USP54: variants seen among roughly 807,000 people sequenced by gnomAD.
USP54 encodes the protein ubiquitin carboxyl-terminal hydrolase 54.
In USP54, 87 loss-of-function variants were observed where a neutral mutation model predicts 170.5. The observed-to-expected ratio is 0.51, with a 90% CI of 0.43 to 0.61. The LOEUF (loss-of-function observed/expected upper bound fraction) is 0.61, where lower values mean the gene tolerates loss of function less well. Among genes scored for constraint, USP54 ranks in the 20% least tolerant of loss-of-function variants. The pLI, the probability that USP54 is intolerant of heterozygous loss-of-function variation, is 0.00. For missense variants in USP54, 1,786 were observed against 2,047.8 expected, an observed-to-expected ratio of 0.87 and a Z score of 2.47; for synonymous variants, 655 against 742.8, an observed-to-expected ratio of 0.88 and a Z score of 1.92.
chr10:73,498,895 G>A lies in USP54; in HGVS notation c.4789C>T (p.Pro1597Ser), dbSNP rs965536852. ...WSDLFHSPSH[P>S]PIVHPVYPPS... ...GGGTACACAGGATGAACAATGGGAG[G>A]GTGGGAGGGTGAATGGAAAAGATCA... The change falls in exon 24 of 24, where the codon CCT becomes TCT. Residue 1597 changes from proline to serine, a missense_variant. Physicochemically the swap from Pro to Ser is moderately conservative, Grantham distance 74. This residue lies in a region of USP54 where 1,418 missense variants were observed against 1,569.0 expected (regional missense o/e 0.90). Coordinates refer to ENST00000687698, the MANE Select transcript of USP54 (RefSeq NM_001391956.1). 1 of 1,613,416 alleles carries A rather than the reference G, an allele frequency of 6.2e-7. No individual in the cohort carries two copies. Among genetic ancestry groups the A allele is most frequent in the African/African-American group, 1.3e-5 (1 of 74,860 alleles).
intron 3 of USP54, among the ~76,000 whole-genome samples, chr10:73,573,696 C>A (rs996975096): frequency 6.6e-6 from 1 of 152,100 alleles, no homozygotes; most frequent in Non-Finnish European, 1.5e-5. Context: ...ACCCAAGAGG[C>A]GGAGGTGGCA....
At chr10:73,541,135 T>C (rs1033151062) in intron 9 of USP54, among the ~76,000 whole-genome samples, 4 of 152,206 alleles carry the variant, frequency 2.6e-5, no homozygotes, top group Admixed American at 6.5e-5. Flanking sequence ...AAGCTCTGCC[T>C]ATCCTGTCTT....
chr10:73,554,939 C>G (rs556072661), intron 4 of USP54, among the ~76,000 whole-genome samples: 13 of 152,218 alleles, frequency 8.5e-5, no homozygotes, highest in African/African-American at 2.9e-4. Flanking sequence ...AAGACCTTGT[C>G]TCTACAAAAA....
chr10:73,546,051 T>C (rs1466503565), intron 4 of USP54, among the ~76,000 whole-genome samples: 2 of 152,216 alleles, frequency 1.3e-5, no homozygotes, highest in Admixed American at 6.5e-5. Context: ...TGGGGGTTCA[T>C]CCTATGAATC....
At position 73,570,577 on chromosome 10, in the gene USP54, G is replaced by T. The variant is rs138429551; in HGVS notation, c.240+844C>A. On this transcript the variant is annotated intron_variant, in intron 4 of 23. Transcript: ENST00000687698. ...TTTTTTTTTTTTTTTTTGAGCCAGG[G>T]TCTCACTCTGTTGCCCAGGCTGGAG... 6.4e-3 allele frequency among the ~76,000 whole-genome samples: 942 copies of T among 146,652 alleles called. 3 individuals carry two copies. The highest frequency in any genetic ancestry group is 0.014 in the Middle Eastern group (4 of 292).
At chr10:73,533,113 T>C (rs1378168392) in intron 12 of USP54, among the ~76,000 whole-genome samples, 2 of 152,174 alleles carry the variant, frequency 1.3e-5, no homozygotes, top group Non-Finnish European at 2.9e-5. Flanking sequence ...GAGACCATCC[T>C]GGCTAACACG....
At chr10:73,584,042 GAAAT>G (rs1564920310) in intron 1 of USP54, among the ~76,000 whole-genome samples, 1 of 152,142 alleles carries the variant, frequency 6.6e-6, no homozygotes, top group Admixed American at 6.6e-5. Context: ...AGGCATTTGG[GAAAT>G]AAATATTTAT....
chr10:73,526,553 T>C, intron 16 of USP54, 94 bp downstream of exon 16: 7 of 1,552,842 alleles, frequency 4.5e-6, no homozygotes, highest in Non-Finnish European at 6.1e-6. Context: ...GGCCTGTAAC[T>C]GTCCTCTAAT....
At position 73,530,830 on chromosome 10, in the gene USP54, G is replaced by C. The variant is rs369794632; in HGVS notation, c.1321C>G (p.Leu441Val). Residue 441 changes from leucine to valine, a missense_variant, in exon 13 of 24, where the codon CTG becomes GTG. This residue lies in a region of USP54 where 1,418 missense variants were observed against 1,569.0 expected (regional missense o/e 0.90). Transcript: ENST00000687698. Reference protein sequence around the residue: ...MSQSSRDTGHLTDSECNQKHT... With the variant: ...MSQSSRDTGHVTDSECNQKHT... Reference sequence around the variant, plus strand: ...TTCTGATTACATTCACTATCAGTCAGGTGTCCTGAAAAAACAAGGAAATTG... The same window carrying C: ...TTCTGATTACATTCACTATCAGTCACGTGTCCTGAAAAAACAAGGAAATTG... 1.5e-5 allele frequency: 24 copies of C among 1,613,738 alleles called. 1 individual carries two copies. Among genetic ancestry groups the C allele is most frequent in the Non-Finnish European group, 1.9e-5 (22 of 1,179,848 alleles).
At chr10:73,587,319 A>T (rs1294272160) in intron 1 of USP54, among the ~76,000 whole-genome samples, 1 of 152,002 alleles carries the variant, frequency 6.6e-6, no homozygotes, top group Non-Finnish European at 1.5e-5. Context: ...TAAAAAACAC[A>T]AAAAAATTAG....
intron 20 of USP54, among the ~76,000 whole-genome samples, chr10:73,508,626 C>A (rs2059622523): frequency 6.6e-6 from 1 of 151,428 alleles, no homozygotes; most frequent in Admixed American, 6.6e-5. Context: ...GAGCCTCTAG[C>A]TCTAAGTACT....
intron 4 of USP54, among the ~76,000 whole-genome samples, chr10:73,552,646 C>T (rs899659548): frequency 1.3e-5 from 2 of 151,892 alleles, no homozygotes; most frequent in East Asian, 1.9e-4. Context: ...CAAAAATTAG[C>T]CAGGTGTGGT....
chr10:73,529,455 T>G (rs1217175794), intron 15 of USP54: 15 of 571,782 alleles, frequency 2.6e-5, no homozygotes, highest in Admixed American at 1.7e-4. Context: ...TTTTTAAAAT[T>G]ATTTTATACA....
chr10:73,542,653 C>A, intron 7 of USP54, 150 bp downstream of exon 7: 1 of 696,116 alleles, frequency 1.4e-6, no homozygotes. Flanking sequence ...ATCGCTTGAA[C>A]CCAGGAGGCG....
intron 1 of USP54, among the ~76,000 whole-genome samples, chr10:73,588,122 A>T (rs908659492): frequency 6.6e-6 from 1 of 152,226 alleles, no homozygotes; most frequent in African/African-American, 2.4e-5. Context: ...AGGAGATTAA[A>T]CTATAATTGA....
chr10:73,585,682 G>T (rs988095534), intron 1 of USP54, among the ~76,000 whole-genome samples: 1 of 152,194 alleles, frequency 6.6e-6, no homozygotes. Context: ...GTTCATGATT[G>T]TGATTTTTAT....
chr10:73,622,468 C>T (rs1015241860), intron 1 of USP54, among the ~76,000 whole-genome samples: 1 of 151,986 alleles, frequency 6.6e-6, no homozygotes, highest in South Asian at 2.1e-4. Context: ...GAATTACTGG[C>T]AGGCATCACC....
intron 1 of USP54, chr10:73,614,026 A>G (rs2080392957): frequency 6.6e-6 from 1 of 151,038 alleles, no homozygotes; most frequent in Non-Finnish European, 1.5e-5. Context: ...CCATGGAGAA[A>G]CCTCATCTCT....
intron 4 of USP54, among the ~76,000 whole-genome samples, chr10:73,559,440 A>C (rs2072197297): frequency 1.3e-5 from 2 of 151,950 alleles, no homozygotes; most frequent in African/African-American, 2.4e-5. Flanking sequence ...CATGCCTGTA[A>C]TCCCAGCTAC....
Sources: gnomAD v4.1 joint callset for allele counts (sites outside exome capture counted in the v4.1 genomes callset) on GRCh38, gnomAD v4.1.1 for gene constraint, gnomAD v4.1.1 regional missense constraint, MANE v1.5 for transcripts, NCBI Gene and HGNC (gene_info 2026-07-23, HGNC 2026-07-21) for gene names.